The following COL5A2 variants were observed in gnomAD, a reference collection of about 807,000 sequenced individuals.
COL5A2 encodes collagen alpha-2(V) chain.
A neutral mutation model predicts 208.2 loss-of-function variants in COL5A2; 23 were observed. The observed-to-expected ratio is 0.11, with a 90% CI of 0.08 to 0.16. The LOEUF is 0.16. Ranked by LOEUF, COL5A2 falls within the 10% of genes least tolerant of loss-of-function variation. COL5A2 has a pLI of 1.00. For missense variants in COL5A2, 1,590 were observed against 1,956.4 expected (o/e 0.81, Z 3.53); for synonymous variants, 625 against 628.5 (o/e 0.99, Z 0.08).
chr2:189,390,633 T>C, the COL5A2 span, among the ~76,000 whole-genome samples: 1 of 152,224 alleles, frequency 6.6e-6, no homozygotes, highest in African/African-American at 2.4e-5. Flanking sequence ...ATTAAGAAGA[T>C]ATCCAAATAT....
At chr2:189,300,278 T>C in the COL5A2 span, among the ~76,000 whole-genome samples, 2 of 152,204 alleles carry the variant, frequency 1.3e-5, no homozygotes, top group Non-Finnish European at 2.9e-5. Context: ...TTTCTCTCTG[T>C]GACTGTATTT....
intron 1 of COL5A2, among the ~76,000 whole-genome samples, chr2:189,222,695 C>A (rs998837463): frequency 2.0e-5 from 3 of 152,138 alleles, no homozygotes; most frequent in African/African-American, 7.2e-5. Context: ...TGACTCCCGG[C>A]CATTGGACTT....
rs138291205 is a variant in COL5A2 at position 189,106,107 on chromosome 2, T to G, written c.323-1830A>C. On this transcript the variant is annotated intron_variant, in intron 2 of 53. Coordinates refer to ENST00000374866, the MANE Select transcript of COL5A2 (RefSeq NM_000393.5). The stretch of plus-strand genomic sequence containing the variant: ...GGATTTGCCTGATTATTCTTTCTTG[T>G]GTAGTCTATGAAAATTTTAACTTGC... Among the ~76,000 whole-genome samples the G allele has an allele frequency of 2.6e-5, 4 of 151,610 alleles. No individual in the cohort carries two copies. In the East Asian group the frequency reaches 5.8e-4, roughly 22 times the overall value.
chr2:189,388,860 C>A, the COL5A2 span, among the ~76,000 whole-genome samples: 4 of 152,052 alleles, frequency 2.6e-5, no homozygotes, highest in Admixed American at 6.6e-5. Flanking sequence ...ATTTTCTAAG[C>A]ACATTTTATG....
intron 1 of COL5A2, among the ~76,000 whole-genome samples, chr2:189,144,220 C>CA (rs1687993731): frequency 6.6e-6 from 1 of 151,888 alleles, no homozygotes; most frequent in Non-Finnish European, 1.5e-5. Context: ...TTCAAAAACT[C>CA]AAAAGACAGA....
At chr2:189,137,392 A>G (rs1247127545) in intron 1 of COL5A2, among the ~76,000 whole-genome samples, 3 of 152,232 alleles carry the variant, frequency 2.0e-5, no homozygotes, top group Non-Finnish European at 4.4e-5. Context: ...ATTTTGTACA[A>G]GTAGCAAGAA....
chr2:189,289,255 C>T, the COL5A2 span, among the ~76,000 whole-genome samples: 3 of 151,846 alleles, frequency 2.0e-5, no homozygotes, highest in African/African-American at 7.3e-5. Flanking sequence ...GGCAGAGAAT[C>T]GCCTGAACCT....
chr2:189,068,226 C>T lies in COL5A2; in HGVS notation c.1302G>A (p.Thr434=), dbSNP rs376170776. Residue 434 remains threonine, a splice_region_variant and synonymous_variant, in exon 20 of 54, where the codon ACG becomes ACA. Coordinates refer to ENST00000374866, the MANE Select transcript of COL5A2 (RefSeq NM_000393.5). ...TDGTPGAKGP[T]GSPGTSGPPG... ...CACATGCCATAAATGCAGTACTCAC[C>T]GTTGGGCCTTTGGCACCAGGAGTAC... 4.9e-5 allele frequency: 79 copies of T among 1,613,568 alleles called. No homozygotes were observed. The highest frequency in any genetic ancestry group is 1.6e-4 in the Middle Eastern group (1 of 6,082).
chr2:189,175,411 T>A (rs562031696), intron 1 of COL5A2, among the ~76,000 whole-genome samples: 96 of 150,166 alleles, frequency 6.4e-4, no homozygotes, highest in South Asian at 4.4e-3. Flanking sequence ...AAAATAAATT[T>A]AAAAAAAAAT....
the COL5A2 span, among the ~76,000 whole-genome samples, chr2:189,330,213 T>G: frequency 6.6e-6 from 1 of 152,034 alleles, no homozygotes; most frequent in Non-Finnish European, 1.5e-5. Flanking sequence ...TGCACTGAGA[T>G]TTGACCAAGT....
the COL5A2 span, among the ~76,000 whole-genome samples, chr2:189,357,565 C>G: frequency 6.6e-5 from 10 of 152,126 alleles, no homozygotes; most frequent in Non-Finnish European, 1.3e-4. Flanking sequence ...CACCCCTCCC[C>G]CTACCAAGCT....
chr2:189,116,470 A>C (rs1183055819), intron 1 of COL5A2, among the ~76,000 whole-genome samples: 2 of 152,180 alleles, frequency 1.3e-5, no homozygotes, highest in African/African-American at 2.4e-5. Context: ...GCTTTCCTTA[A>C]ACAACTCCCA....
chr2:189,042,623 C>A, intron 49 of COL5A2, 97 bp downstream of exon 49: 1 of 1,193,192 alleles, frequency 8.4e-7, no homozygotes, highest in Non-Finnish European at 1.2e-6. Flanking sequence ...GAGCCAACTC[C>A]AGCTTCAATA....
chr2:189,121,080 T>C (rs1196695351), intron 1 of COL5A2, among the ~76,000 whole-genome samples: 10 of 152,150 alleles, frequency 6.6e-5, no homozygotes, highest in African/African-American at 2.2e-4. Flanking sequence ...AAATACAAAA[T>C]TATAGGCAAA....
In COL5A2 at chr2:189,034,223, T is replaced by A; in HGVS notation, c.4354-7A>T. 1 of 1,613,868 alleles carries A rather than the reference T, an allele frequency of 6.2e-7. No individual in the cohort carries two copies. The highest frequency in any genetic ancestry group is 2.2e-5 in the East Asian group (1 of 44,884). On this transcript the variant is annotated splice_region_variant and splice_polypyrimidine_tract_variant and intron_variant, in intron 53 of 53. Transcript: ENST00000374866. ...CCACATTTCCATTCCGCTTCTGAAA[T>A]TAAATGATGCAATGGGTTAAATGTA...
chr2:189,058,910 T>C lies in COL5A2; in HGVS notation c.2086-17A>G. On this transcript the variant is annotated splice_polypyrimidine_tract_variant and intron_variant, in intron 31 of 53. Coordinates refer to ENST00000374866, the MANE Select transcript of COL5A2 (RefSeq NM_000393.5). The stretch of plus-strand genomic sequence containing the variant: ...AGGAACACCCTATAAACACATTTTT[T>C]TTTTTTAATGGAACAAGAGCTTTGA... 1 of 1,612,712 alleles carries C rather than the reference T, an allele frequency of 6.2e-7. No homozygotes were observed. The highest frequency in any genetic ancestry group is 8.5e-7 in the Non-Finnish European group (1 of 1,178,952).
intron 1 of COL5A2, among the ~76,000 whole-genome samples, chr2:189,191,058 G>A (rs938296635): frequency 6.6e-6 from 1 of 151,312 alleles, no homozygotes; most frequent in African/African-American, 2.4e-5. Context: ...AAGAGGTTCT[G>A]GATGTGATAG....
chr2:189,353,101 A>G, the COL5A2 span, among the ~76,000 whole-genome samples: 1 of 151,966 alleles, frequency 6.6e-6, no homozygotes, highest in Non-Finnish European at 1.5e-5. Context: ...ATGGTTGTAG[A>G]TGTGTGGTGC....
chr2:189,234,591 C>T, the COL5A2 span, among the ~76,000 whole-genome samples: 1 of 151,918 alleles, frequency 6.6e-6, no homozygotes, highest in South Asian at 2.1e-4. Flanking sequence ...TTAAACCATT[C>T]TTCTCTGAAA....
Sources: gnomAD v4.1 joint callset for allele counts (sites outside exome capture counted in the v4.1 genomes callset) on GRCh38, gnomAD v4.1.1 for gene constraint, MANE v1.5 for transcripts, NCBI Gene and HGNC (gene_info 2026-07-23, HGNC 2026-07-21) for gene names.